Variants in WDHD1 observed in about 807,000 individuals in gnomAD.
The protein encoded by WDHD1 is WD repeat and HMG-box DNA binding protein 1, also known as WD repeat and HMG-box DNA-binding protein 1.
In WDHD1, 111 loss-of-function variants were observed where a neutral mutation model predicts 135.4. The ratio of observed to expected loss-of-function variants is 0.82; its 90% CI spans 0.70 to 0.96. The LOEUF is 0.96. WDHD1 is among the 40% of genes least tolerant of loss of function. WDHD1 has a pLI of 0.00. For missense variants in WDHD1, 1,351 were observed against 1,336.3 expected, an observed-to-expected ratio of 1.01 and a Z score of -0.17; for synonymous variants, 434 against 439.0, an observed-to-expected ratio of 0.99 and a Z score of 0.14.
At chr14:55,007,627 T>C (rs1334861336) in intron 6 of WDHD1, among the ~76,000 whole-genome samples, 1 of 152,174 alleles carries the variant, frequency 6.6e-6, no homozygotes, top group Non-Finnish European at 1.5e-5. Flanking sequence ...CATTGAATAA[T>C]CATACACACA....
rs547993948 is a variant in WDHD1, at chr14:54,988,183, A to C, written c.1527-796T>G. ...ACATGTAAACATCCAAAAAATATTAAGTAGAAAAAGCAAACGGGTGACTAG... is the reference window on the plus strand; with the variant it reads ...ACATGTAAACATCCAAAAAATATTACGTAGAAAAAGCAAACGGGTGACTAG... On this transcript the variant is annotated intron_variant, in intron 13 of 25. Coordinates refer to ENST00000360586, the MANE Select transcript of WDHD1 (RefSeq NM_007086.4). 2.0e-5 allele frequency among the ~76,000 whole-genome samples: 3 copies of C among 152,304 alleles called. No individual in the cohort carries two copies. In the South Asian group the frequency reaches 6.2e-4, roughly 32 times the overall value.
At position 54,977,483 on chromosome 14, in the gene WDHD1, T is replaced by C. The variant is rs146934585; in HGVS notation, c.2063+4057A>G. Reference sequence around the variant, plus strand: ...TGGGAGGCCAAGGTGGGAGGATCACTCGAGGTTAGTTCAAGAAAAGCCTAG... The same window carrying C: ...TGGGAGGCCAAGGTGGGAGGATCACCCGAGGTTAGTTCAAGAAAAGCCTAG... On this transcript the variant is annotated intron_variant, in intron 16 of 25. Transcript: ENST00000360586. Among the ~76,000 whole-genome samples the C allele has an allele frequency of 2.9e-3, 435 of 152,200 alleles. 1 individual carries two copies. Among genetic ancestry groups the C allele is most frequent in the Non-Finnish European group, 5.2e-3 (357 of 68,006 alleles).
intron 2 of WDHD1, among the ~76,000 whole-genome samples, chr14:55,015,561 T>G (rs967223494): frequency 2.0e-5 from 3 of 152,084 alleles, no homozygotes; most frequent in African/African-American, 7.2e-5. Context: ...GCAATGTGAC[T>G]AACAAATCCT....
At chr14:55,003,402 T>C (rs933354296) in intron 7 of WDHD1, among the ~76,000 whole-genome samples, 3 of 151,648 alleles carry the variant, frequency 2.0e-5, no homozygotes, top group African/African-American at 7.3e-5. Flanking sequence ...TCCCAGCTAC[T>C]CGGGTTGGGG....
chr14:54,999,070 GTC>G (rs1193164573), intron 10 of WDHD1, among the ~76,000 whole-genome samples: 7 of 151,904 alleles, frequency 4.6e-5, no homozygotes, highest in Non-Finnish European at 5.9e-5. Context: ...CTCTCTTTAC[GTC>G]TTTTCTCTTA....
intron 16 of WDHD1, among the ~76,000 whole-genome samples, chr14:54,972,583 AAAAAAAAT>A (rs1204537192): frequency 0.03 from 2,650 of 89,016 alleles, 418 homozygotes; most frequent in African/African-American, 0.05. Flanking sequence ...AAAAAAAAAA[AAAAAAAAT>A]GCCAATGAGG....
intron 16 of WDHD1, among the ~76,000 whole-genome samples, chr14:54,974,751 C>T (rs931104084): frequency 2.6e-5 from 4 of 152,024 alleles, no homozygotes; most frequent in African/African-American, 4.8e-5. Flanking sequence ...CACTTGAACC[C>T]GGAAGGAGGA....
Position 54,962,858 on chromosome 14 carries a change from G to A in WDHD1, c.2532-5C>T, listed in dbSNP as rs2140167738. The A allele has an allele frequency of 1.2e-6, 2 of 1,611,546 alleles. No individual in the cohort carries two copies. The highest frequency in any genetic ancestry group is 1.1e-5 in the South Asian group (1 of 91,060). ...TCTGTAGCAGTATTGCTGTAACTAA[G>A]AGAAAATAATATTATTCAATAAAGA... On this transcript the variant is annotated splice_region_variant and splice_polypyrimidine_tract_variant and intron_variant, in intron 19 of 25. Transcript: ENST00000360586.
intron 16 of WDHD1, among the ~76,000 whole-genome samples, chr14:54,969,335 C>T (rs916695523): frequency 1.6e-5 from 2 of 126,578 alleles, no homozygotes; most frequent in African/African-American, 6.7e-5. Flanking sequence ...ATTAAGACTC[C>T]GTTTCAAGAA....
At chr14:54,967,535 T>C (rs1036660851) in intron 16 of WDHD1, 141 bp from the exon 17 acceptor site, 2 of 544,288 alleles carry the variant, frequency 3.7e-6, no homozygotes, top group Non-Finnish European at 6.4e-6. Flanking sequence ...AAATATCTCT[T>C]TTTAAAAAAG....
At chr14:55,010,859 T>A (rs1407898725) in intron 3 of WDHD1, among the ~76,000 whole-genome samples, 2 of 152,238 alleles carry the variant, frequency 1.3e-5, no homozygotes, top group African/African-American at 2.4e-5. Context: ...GCCCTATGTT[T>A]CCACAACAAA....
At chr14:54,964,816 G>GAT (rs1415528532) in intron 18 of WDHD1, among the ~76,000 whole-genome samples, 1 of 152,066 alleles carries the variant, frequency 6.6e-6, no homozygotes, top group Non-Finnish European at 1.5e-5. Context: ...TGGTATTTTT[G>GAT]ATATGAGAAA....
At chr14:54,985,378 A>C (rs2041679900) in intron 14 of WDHD1, among the ~76,000 whole-genome samples, 1 of 152,166 alleles carries the variant, frequency 6.6e-6, no homozygotes, top group Non-Finnish European at 1.5e-5. Flanking sequence ...GGAACACGGA[A>C]GTGGATGGAG....
chr14:54,980,094 G>A (rs955524608), intron 16 of WDHD1, among the ~76,000 whole-genome samples: 1 of 152,088 alleles, frequency 6.6e-6, no homozygotes, highest in Non-Finnish European at 1.5e-5. Context: ...GGAGGCCGAG[G>A]CGGGAAGATC....
In WDHD1 at chr14:55,002,051, G is replaced by T. The variant is rs375703895; in HGVS notation, c.693+42C>A. On this transcript the variant is annotated intron_variant, in intron 8 of 25. Coordinates refer to ENST00000360586, the MANE Select transcript of WDHD1 (RefSeq NM_007086.4). ...TATTCAGGCAAACTACGCATTAACT[G>T]CTCCTTATAGCCCACTGAAAGTGTC... 1.2e-5 allele frequency: 17 copies of T among 1,390,276 alleles called. No homozygotes were observed. The South Asian group carries it at 1.2e-4, about 10-fold the overall frequency. The allele number at this position is 1,390,276 out of a possible 1,614,324, so 86.1% of individuals were successfully genotyped here. A position where few individuals can be genotyped will look rare whatever the true frequency, so the allele number is the denominator to read the frequency against.
Position 54,963,536 on chromosome 14 carries a change from G to A in WDHD1, c.2311-364C>T, listed in dbSNP as rs900759973. Among the ~76,000 whole-genome samples the A allele has an allele frequency of 5.9e-5, 9 of 152,132 alleles. No individual in the cohort carries two copies. In the South Asian group the frequency reaches 6.2e-4, roughly 10 times the overall value. On this transcript the variant is annotated intron_variant, in intron 18 of 25. Transcript: ENST00000360586. ...ATTCAAGGGGGAGGCTGGGCACGGT[G>A]GCTCACGCCTGTAATACCAGTGCTT...
At position 54,957,155 on chromosome 14, in the gene WDHD1, G is replaced by C. The variant is rs763108281; in HGVS notation, c.2795C>G (p.Ser932Ter). 1 of 1,614,074 alleles carries C rather than the reference G, an allele frequency of 6.2e-7. No individual in the cohort carries two copies. Among genetic ancestry groups the C allele is most frequent in the South Asian group, 1.1e-5 (1 of 91,054 alleles). ...EPAMSMNSAR[S>*]TNILDNMGKS... ...GCCCATATTGTCTAAAATATTAGTT[G>C]AACGTGCTGAATTCATTGACATGGC... is the stretch of plus-strand genomic sequence containing the variant. Residue 932 changes from serine to a stop codon, truncating the protein, a stop_gained, in exon 23 of 26, where the codon TCA (serine) becomes TGA (stop). Coordinates refer to ENST00000360586, the MANE Select transcript of WDHD1 (RefSeq NM_007086.4). LOFTEE classifies it high-confidence loss of function.
In WDHD1 at chr14:54,991,224, G is replaced by A. The variant is rs148256968; in HGVS notation, c.1330C>T (p.His444Tyr). ...QSGSTPLHLT[H>Y]RFMVWNSIGI... ...GATCCAAGTCTTACCATGAATCTGTGAGTGAGATGCAACGGTGTAGAACCT... is the reference window on the plus strand; with the variant it reads ...GATCCAAGTCTTACCATGAATCTGTAAGTGAGATGCAACGGTGTAGAACCT... The change falls in exon 12 of 26, where the codon CAC (histidine) becomes TAC (tyrosine). Residue 444 changes from histidine (H) to tyrosine (Y), a missense_variant. By Grantham distance (83) the His-to-Tyr change is moderately conservative. This residue lies in a region of WDHD1 where 1,330 missense variants were observed against 1,296.1 expected (regional missense o/e 1.03). Coordinates refer to ENST00000360586, the MANE Select transcript of WDHD1 (RefSeq NM_007086.4). 1.4e-5 allele frequency: 21 copies of A among 1,464,146 alleles called. No individual in the cohort carries two copies. Among genetic ancestry groups the A allele is most frequent in the Non-Finnish European group, 1.6e-5 (18 of 1,091,122 alleles). 90.7% of individuals were successfully genotyped at this position (1,464,146 alleles called of 1,614,324 possible).
In WDHD1 at chr14:55,000,638, T is replaced by C; in HGVS notation, c.807A>G (p.Lys269=). The change falls in exon 10 of 26, where the codon AAA becomes AAG. Residue 269 remains lysine (K), a synonymous_variant. Coordinates refer to ENST00000360586, the MANE Select transcript of WDHD1 (RefSeq NM_007086.4). ...VETKDCMERV[K]HEKGYAICGL... ...CACAAATTGCATAACCTTTCTCATG[T>C]TTCACCCTAAAAATTAAAAAGTAGG... The C allele has an allele frequency of 4.5e-6, 7 of 1,547,860 alleles. No homozygotes were observed. Among genetic ancestry groups the C allele is most frequent in the Non-Finnish European group, 6.1e-6 (7 of 1,147,438 alleles).
Sources: gnomAD v4.1 joint callset for allele counts (sites outside exome capture counted in the v4.1 genomes callset) on GRCh38, gnomAD v4.1.1 for gene constraint, gnomAD v4.1.1 regional missense constraint, MANE v1.5 for transcripts, NCBI Gene and HGNC (gene_info 2026-07-23, HGNC 2026-07-21) for gene names.